ELOA: variants seen among roughly 807,000 people sequenced by gnomAD.
ELOA encodes elongin A.
A neutral mutation model predicts 85.2 loss-of-function variants in ELOA; 15 were observed. The ratio of observed to expected loss-of-function variants is 0.18; its 90% CI spans 0.12 to 0.27. ELOA has a LOEUF of 0.27. Ranked by LOEUF, ELOA falls within the 10% of genes least tolerant of loss-of-function variation. The pLI is 1.00. For synonymous variants in ELOA, 348 were observed against 357.2 expected (o/e 0.97, Z 0.29); for missense variants, 769 against 952.7 (o/e 0.81, Z 2.54).
intron 7 of ELOA, among the ~76,000 whole-genome samples, chr1:23,754,991 C>T (rs1644788115): frequency 6.7e-6 from 1 of 149,340 alleles, no homozygotes; most frequent in South Asian, 2.1e-4. Context: ...GACTGCAGTA[C>T]AGAGGCCTAA....
chr1:23,752,236 G>A (rs1644774635), intron 4 of ELOA, among the ~76,000 whole-genome samples, 171 bp from the exon 5 acceptor site: 1 of 152,170 alleles, frequency 6.6e-6, no homozygotes, highest in Admixed American at 6.5e-5. Context: ...CTTGTGATGG[G>A]CTCATCTGTA....
chr1:23,749,737 AG>A, intron 2 of ELOA, 104 bp from the exon 3 acceptor site: 1 of 912,376 alleles, frequency 1.1e-6, no homozygotes, highest in East Asian at 2.6e-5. Flanking sequence ...TGTTGTAGGA[AG>A]GAAGTATTGC....
chr1:23,752,611 C>A, intron 5 of ELOA, 93 bp downstream of exon 5: 1 of 1,297,648 alleles, frequency 7.7e-7, no homozygotes, highest in Non-Finnish European at 1.1e-6. Context: ...AATTCCAGCA[C>A]TTTGGGAGGC....
rs1644761823 is a variant in ELOA at position 23,749,957 on chromosome 1, A to T, written c.239+9A>T. The T allele has an allele frequency of 6.2e-7, 1 of 1,607,214 alleles. No homozygotes were observed. Among genetic ancestry groups the T allele is most frequent in the Middle Eastern group, 1.7e-4 (1 of 6,042 alleles). ...CTGGTTCCTGTGGAACGGTAAGAAC[A>T]TTTCTCTTTAGGTTTGTTCAATTTC... On this transcript the variant is annotated intron_variant, in intron 3 of 10. Transcript: ENST00000613537.
rs914726803 is a variant in ELOA at position 23,760,272 on chromosome 1, C to G, written c.*699C>G. ...GGTGCTCTGTAGGTCTGGAGCCTTT[C>G]CCTCATCCTTTTTGCGAGTCCCCAC... On this transcript the variant is annotated 3_prime_UTR_variant, in exon 11 of 11. Coordinates refer to ENST00000613537, the MANE Select transcript of ELOA (RefSeq NM_003198.3). 1 of 151,928 alleles carries G rather than the reference C, an allele frequency of 6.6e-6. No individual in the cohort carries two copies. Among genetic ancestry groups the G allele is most frequent in the African/African-American group, 2.4e-5 (1 of 41,362 alleles). The allele number at this position is 151,928 out of a possible 1,614,324, so 9.4% of individuals were successfully genotyped here. A position where few individuals can be genotyped will look rare whatever the true frequency, so the allele number is the denominator to read the frequency against.
intron 10 of ELOA, 36 bp from the exon 11 acceptor site, chr1:23,759,476 A>G (rs1471231700): frequency 6.2e-7 from 1 of 1,612,774 alleles, no homozygotes; most frequent in Non-Finnish European, 8.5e-7. Context: ...AAGCCGCCAC[A>G]GATCTGAGAC....
At chr1:23,748,134 A>AATG (rs1163036570) in intron 1 of ELOA, among the ~76,000 whole-genome samples, 1 of 152,206 alleles carries the variant, frequency 6.6e-6, no homozygotes, top group African/African-American at 2.4e-5. Flanking sequence ...TCAGTCGATG[A>AATG]ATGAAATGAT....
intron 1 of ELOA, 82 bp downstream of exon 1, chr1:23,743,660 GT>G: frequency 7.3e-7 from 1 of 1,367,012 alleles, no homozygotes. Flanking sequence ...GCGTGGCGGG[GT>G]TCGGGGGCTG....
intron 7 of ELOA, among the ~76,000 whole-genome samples, chr1:23,754,787 C>G (rs1434291368): frequency 6.6e-6 from 1 of 152,140 alleles, no homozygotes; most frequent in Non-Finnish European, 1.5e-5. Flanking sequence ...GGGGAAAGCA[C>G]TTTGTGTTGA....
intron 1 of ELOA, among the ~76,000 whole-genome samples, chr1:23,746,608 CAAAAAAAAAAAA>C (rs55782205): frequency 1.2e-4 from 8 of 68,438 alleles, no homozygotes; most frequent in South Asian, 5.6e-4. Flanking sequence ...ACTCCATCTC[CAAAAAAAAAAAA>C]AAAAAAAAAA....
intron 1 of ELOA, among the ~76,000 whole-genome samples, chr1:23,746,101 C>G (rs555413331): frequency 6.6e-6 from 1 of 151,892 alleles, no homozygotes; most frequent in African/African-American, 2.4e-5. Context: ...CCAGCCTGGC[C>G]AACATGGTGA....
chr1:23,747,271 CATTTCCTA>C (rs1377431485), intron 1 of ELOA, among the ~76,000 whole-genome samples: 1 of 152,206 alleles, frequency 6.6e-6, no homozygotes, highest in African/African-American at 2.4e-5. Context: ...GCTCTATTTT[CATTTCCTA>C]AGGACAGTGT....
At position 23,754,115 on chromosome 1, in the gene ELOA, A is replaced by G. The variant is rs753715107; in HGVS notation, c.1553A>G (p.Gln518Arg). ...QPKRKAFSSPQEEEEAGFTGR... is the reference protein window; with the variant it reads ...QPKRKAFSSPREEEEAGFTGR... Reference sequence around the variant, plus strand: ...TGCCCTATAGCGTTCTCTTCACCCCAGGAAGAAGAAGAAGCTGGATTTACT... The same window carrying G: ...TGCCCTATAGCGTTCTCTTCACCCCGGGAAGAAGAAGAAGCTGGATTTACT... Residue 518 changes from glutamine (Q) to arginine (R), a missense_variant, in exon 6 of 11, where the codon CAG (glutamine) becomes CGG (arginine). By Grantham distance (43) the Gln-to-Arg change is conservative (BLOSUM62 1). Around this residue, in one of 4 missense-constraint regions of ELOA, gnomAD observed 193 missense variants for 278.9 expected, o/e 0.69. Transcript: ENST00000613537. 2 of 1,614,198 alleles carry G rather than the reference A, an allele frequency of 1.2e-6. No individual in the cohort carries two copies. The highest frequency in any genetic ancestry group is 1.7e-6 in the Non-Finnish European group (2 of 1,180,040).
rs1210583009 is a variant in ELOA, at chr1:23,750,934, G to A, written c.329G>A (p.Gly110Glu). ...DALQKEEEME[G>E]DYQETWKATG... Reference sequence around the variant, plus strand: ...CTGCAGAAGGAGGAGGAGATGGAGGGGGACTACCAAGAAACCTGGAAAGCC... The same window carrying A: ...CTGCAGAAGGAGGAGGAGATGGAGGAGGACTACCAAGAAACCTGGAAAGCC... The change falls in exon 4 of 11, where the codon GGG (glycine) becomes GAG (glutamate). Residue 110 changes from glycine to glutamate, a missense_variant. Physicochemically the swap from Gly to Glu is moderately conservative, Grantham distance 98. This residue lies in a region of ELOA where 440 missense variants were observed against 474.0 expected (regional missense o/e 0.93). Transcript: ENST00000613537. The A allele has an allele frequency of 1.2e-6, 2 of 1,613,934 alleles. No individual in the cohort carries two copies. Among genetic ancestry groups the A allele is most frequent in the African/African-American group, 2.7e-5 (2 of 74,910 alleles).
At chr1:23,744,663 G>T (rs1449035087) in intron 1 of ELOA, among the ~76,000 whole-genome samples, 3 of 152,110 alleles carry the variant, frequency 2.0e-5, no homozygotes, top group Non-Finnish European at 2.9e-5. Flanking sequence ...ATCTTGGCCA[G>T]GCTGGTCTTG....
intron 2 of ELOA, 56 bp from the exon 3 acceptor site, chr1:23,749,786 A>T: frequency 6.8e-7 from 1 of 1,479,988 alleles, no homozygotes; most frequent in Non-Finnish European, 9.3e-7. Context: ...TTATTTCTTT[A>T]GAAAAACGTT....
chr1:23,759,813 G>T lies in ELOA; in HGVS notation c.*240G>T. 1.9e-6 allele frequency: 1 copy of T among 522,890 alleles called. No individual in the cohort carries two copies. The highest frequency in any genetic ancestry group is 3.4e-6 in the Non-Finnish European group (1 of 293,030). The allele number at this position is 522,890 out of a possible 1,614,324, so 32.4% of individuals were successfully genotyped here. Reference sequence around the variant, plus strand: ...CCTCTGTCTCACTGAGGATTTTAAAGGTCAATTATACTTTTGTTGTTCATT... The same window carrying T: ...CCTCTGTCTCACTGAGGATTTTAAATGTCAATTATACTTTTGTTGTTCATT... On this transcript the variant is annotated 3_prime_UTR_variant, in exon 11 of 11. Coordinates refer to ENST00000613537, the MANE Select transcript of ELOA (RefSeq NM_003198.3).
intron 1 of ELOA, among the ~76,000 whole-genome samples, 164 bp from the exon 2 acceptor site, chr1:23,748,857 A>G (rs1164000512): frequency 6.6e-6 from 1 of 152,198 alleles, no homozygotes. Context: ...CATAACTTTT[A>G]TGAGCCTATT....
chr1:23,748,912 C>A, intron 1 of ELOA, 109 bp from the exon 2 acceptor site: 1 of 792,796 alleles, frequency 1.3e-6, no homozygotes, highest in Non-Finnish European at 2.1e-6. Context: ...TGTAAATAGG[C>A]ATAATACTTA....
Sources: gnomAD v4.1 joint callset for allele counts (sites outside exome capture counted in the v4.1 genomes callset) on GRCh38, gnomAD v4.1.1 for gene constraint, gnomAD v4.1.1 regional missense constraint, MANE v1.5 for transcripts, NCBI Gene and HGNC (gene_info 2026-07-23, HGNC 2026-07-21) for gene names.